Variants in DRC11 observed in about 807,000 individuals in gnomAD.
DRC11 encodes the protein IQ and AAA domain-containing protein 1.
the DRC11 span, among the ~76,000 whole-genome samples, chr2:236,345,850 C>T: frequency 1.3e-5 from 2 of 152,214 alleles, no homozygotes; most frequent in Non-Finnish European, 2.9e-5. Flanking sequence ...ATCATTAAGG[C>T]AGCAGGCATG....
chr2:236,459,629 G>GTATATACGTATATACGTATATATATACA, the DRC11 span, among the ~76,000 whole-genome samples: 14 of 91,950 alleles, frequency 1.5e-4, no homozygotes, highest in Admixed American at 3.1e-4. Context: ...ATATACATAC[G>GTATATACGTATATACGTATATATATACA]TATATACGTA....
At chr2:236,447,227 A>T in the DRC11 span, among the ~76,000 whole-genome samples, 3 of 151,612 alleles carry the variant, frequency 2.0e-5, no homozygotes, top group Non-Finnish European at 4.4e-5. The surrounding 1 kb of genome is among the most constrained non-coding windows in gnomAD (Gnocchi z 4.6). Context: ...CAAGCTGCCA[A>T]TACCTCAGGA....
chr2:236,360,096 A>C, the DRC11 span, among the ~76,000 whole-genome samples: 2 of 152,332 alleles, frequency 1.3e-5, no homozygotes, highest in Middle Eastern at 6.8e-3. The surrounding 1 kb of genome is among the most constrained non-coding windows in gnomAD (Gnocchi z 5.8). Context: ...CAGAAAGATC[A>C]CATCCTTGCT....
the DRC11 span, among the ~76,000 whole-genome samples, chr2:236,331,107 T>C: frequency 6.6e-6 from 1 of 152,200 alleles, no homozygotes; most frequent in Middle Eastern, 3.4e-3. The surrounding 1 kb of genome is among the most constrained non-coding windows in gnomAD (Gnocchi z 4.8). Flanking sequence ...AATCCAATGG[T>C]GTTGAAGCTG....
the DRC11 span, among the ~76,000 whole-genome samples, chr2:236,428,094 A>G: frequency 6.6e-6 from 1 of 152,174 alleles, no homozygotes; most frequent in Admixed American, 6.5e-5. Flanking sequence ...GTCTGAAAAG[A>G]TATACTTCAT....
At chr2:236,368,292 C>T in the DRC11 span, 2 of 1,575,540 alleles carry the variant, frequency 1.3e-6, no homozygotes, top group Non-Finnish European at 8.7e-7. Flanking sequence ...CCCCAGGTAG[C>T]TGTACTCACC....
At chr2:236,416,839 C>A in the DRC11 span, among the ~76,000 whole-genome samples, 7 of 146,716 alleles carry the variant, frequency 4.8e-5, no homozygotes, top group South Asian at 1.3e-3. Flanking sequence ...TGGCTCACTG[C>A]AACCTCCGCC....
At chr2:236,341,512 G>A in the DRC11 span, among the ~76,000 whole-genome samples, 1 of 152,220 alleles carries the variant, frequency 6.6e-6, no homozygotes, top group Non-Finnish European at 1.5e-5. Flanking sequence ...AAAGATTGCT[G>A]AGGACAGTGT....
At chr2:236,459,589 G>A in the DRC11 span, among the ~76,000 whole-genome samples, 3 of 125,696 alleles carry the variant, frequency 2.4e-5, no homozygotes, top group African/African-American at 8.9e-5. Context: ...ACGTATATAC[G>A]TATACGTATA....
the DRC11 span, among the ~76,000 whole-genome samples, chr2:236,349,817 C>A: frequency 1.3e-5 from 2 of 152,156 alleles, no homozygotes; most frequent in African/African-American, 2.4e-5. This position sits in a 1 kb window ranked among gnomAD's most constrained non-coding sequence, Gnocchi z 5.5. Context: ...ATACAACAAA[C>A]CCCTGTGACA....
At chr2:236,491,025 ATGTGTG>A in the DRC11 span, among the ~76,000 whole-genome samples, 6 of 142,460 alleles carry the variant, frequency 4.2e-5, no homozygotes, top group African/African-American at 1.6e-4. Context: ...GTGTATATAT[ATGTGTG>A]TATATATATA....
At chr2:236,396,780 A>G in the DRC11 span, among the ~76,000 whole-genome samples, 6 of 152,224 alleles carry the variant, frequency 3.9e-5, no homozygotes, top group African/African-American at 1.4e-4. Flanking sequence ...TTAAAAATAC[A>G]TAGGTCAAAT....
the DRC11 span, among the ~76,000 whole-genome samples, chr2:236,500,114 ATG>A: frequency 2.5e-3 from 370 of 149,548 alleles, 3 homozygotes; most frequent in African/African-American, 8.5e-3. The surrounding 1 kb of genome is among the most constrained non-coding windows in gnomAD (Gnocchi z 6.3). Flanking sequence ...GATGATGATG[ATG>A]ATGGCGAAGG....
At chr2:236,410,632 C>T in the DRC11 span, among the ~76,000 whole-genome samples, 5 of 150,926 alleles carry the variant, frequency 3.3e-5, no homozygotes, top group African/African-American at 9.9e-5. Flanking sequence ...ATCACACTAC[C>T]TGACTTCAAA....
chr2:236,363,965 G>GC, the DRC11 span: 1 of 1,613,870 alleles, frequency 6.2e-7, no homozygotes, highest in Admixed American at 1.7e-5. This position sits in a 1 kb window ranked among gnomAD's most constrained non-coding sequence, Gnocchi z 5.6. Context: ...GCTTTCTCAT[G>GC]CACTGCTGCA....
chr2:236,331,886 T>G, the DRC11 span: 1 of 373,354 alleles, frequency 2.7e-6, no homozygotes, highest in South Asian at 4.6e-5. The surrounding 1 kb of genome is among the most constrained non-coding windows in gnomAD (Gnocchi z 4.8). Context: ...TTTAATGTGG[T>G]ACCTGTAAAG....
the DRC11 span, among the ~76,000 whole-genome samples, chr2:236,452,660 C>G: frequency 2.6e-5 from 4 of 152,184 alleles, no homozygotes; most frequent in Admixed American, 2.6e-4. The surrounding 1 kb of genome is among the most constrained non-coding windows in gnomAD (Gnocchi z 4.7). Flanking sequence ...AAGTGTTATG[C>G]GAAGCAAGGC....
At chr2:236,365,981 T>A in the DRC11 span, among the ~76,000 whole-genome samples, 1 of 152,216 alleles carries the variant, frequency 6.6e-6, no homozygotes, top group Admixed American at 6.5e-5. The surrounding 1 kb of genome is among the most constrained non-coding windows in gnomAD (Gnocchi z 7.4). Context: ...TTTAGCCCCT[T>A]CCTAGCCCTG....
chr2:236,368,348 G>A, the DRC11 span: 1 of 1,122,480 alleles, frequency 8.9e-7, no homozygotes, highest in South Asian at 1.4e-5. Flanking sequence ...AACAGCGCTG[G>A]TCTGAGCTGC....
Sources: allele counts gnomAD v4.1 joint callset (sites outside exome capture counted in the v4.1 genomes callset), GRCh38; gene constraint gnomAD v4.1.1; non-coding constraint Gnocchi (gnomAD v3.1); transcripts MANE v1.5; gene names NCBI Gene and HGNC (gene_info 2026-07-23, HGNC 2026-07-21).